The following SPOCK3 variants were observed in gnomAD, a reference collection of about 807,000 sequenced individuals.
The protein encoded by SPOCK3 is SPARC (osteonectin), cwcv and kazal like domains proteoglycan 3, also known as testican-3.
Under a neutral mutation model 56.6 loss-of-function variants are expected in SPOCK3, and 30 were observed. That is an observed-to-expected ratio of 0.53 (90% CI 0.40 to 0.72). SPOCK3 has a LOEUF of 0.72. SPOCK3 is among the 30% of genes least tolerant of loss of function. The probability of loss-of-function intolerance (pLI) is 0.00; values close to 1 mark genes in which losing one functional copy is unlikely to be tolerated. For missense variants in SPOCK3, 527 were observed against 530.0 expected (o/e 0.99, Z 0.06); for synonymous variants, 196 against 183.3 (o/e 1.07, Z -0.56).
intron 2 of SPOCK3, among the ~76,000 whole-genome samples, chr4:167,125,347 A>T (rs1037344701): frequency 6.7e-6 from 1 of 150,176 alleles, no homozygotes; most frequent in Non-Finnish European, 1.5e-5. Context: ...TTGATTAGAG[A>T]TCTTAACAAG....
At chr4:166,948,720 T>C (rs1344673004) in intron 4 of SPOCK3, among the ~76,000 whole-genome samples, 2 of 152,208 alleles carry the variant, frequency 1.3e-5, no homozygotes, top group East Asian at 1.9e-4. Flanking sequence ...CCACTGTTAG[T>C]CTGATGGGCT....
intron 4 of SPOCK3, among the ~76,000 whole-genome samples, chr4:166,961,433 A>G (rs953989317): frequency 6.6e-6 from 1 of 152,212 alleles, no homozygotes; most frequent in East Asian, 1.9e-4. Context: ...GGGGGGTCAT[A>G]AAAATAAAAT....
chr4:166,989,321 CT>C (rs1214437338), intron 4 of SPOCK3, among the ~76,000 whole-genome samples: 1 of 151,942 alleles, frequency 6.6e-6, no homozygotes, highest in Non-Finnish European at 1.5e-5. Flanking sequence ...GATGAATATA[CT>C]TTACTCCTCA....
intron 2 of SPOCK3, among the ~76,000 whole-genome samples, chr4:167,188,986 C>G (rs1249012554): frequency 6.8e-6 from 1 of 146,204 alleles, no homozygotes; most frequent in South Asian, 2.1e-4. Context: ...CCAGGCTTCA[C>G]TGTTGAAGTC....
At chr4:166,798,509 TCAA>T (rs1014141605) in intron 6 of SPOCK3, among the ~76,000 whole-genome samples, 15 of 152,198 alleles carry the variant, frequency 9.9e-5, no homozygotes, top group African/African-American at 3.6e-4. Context: ...ATAGCTATGA[TCAA>T]CAACAAGAAC....
chr4:166,959,876 G>A (rs1255231195), intron 4 of SPOCK3, among the ~76,000 whole-genome samples: 2 of 151,948 alleles, frequency 1.3e-5, no homozygotes, highest in African/African-American at 4.8e-5. Flanking sequence ...TTTAATTAAG[G>A]GAGTAGGCAC....
intron 3 of SPOCK3, among the ~76,000 whole-genome samples, chr4:167,028,893 A>T (rs1165996126): frequency 6.6e-6 from 1 of 152,054 alleles, no homozygotes; most frequent in African/African-American, 2.4e-5. Context: ...TCTCTCAAAC[A>T]ACACTAGGAT....
chr4:166,793,826 G>A (rs1275301707), intron 6 of SPOCK3, among the ~76,000 whole-genome samples: 5 of 152,212 alleles, frequency 3.3e-5, no homozygotes, highest in South Asian at 2.1e-4. Context: ...GAAATCAGGT[G>A]GGAAAGTAAG....
intron 4 of SPOCK3, among the ~76,000 whole-genome samples, chr4:166,979,982 G>A (rs1746393316): frequency 6.6e-6 from 1 of 152,002 alleles, no homozygotes; most frequent in East Asian, 1.9e-4. Context: ...TCTTCCTTAG[G>A]TCCTTTGCAC....
intron 6 of SPOCK3, among the ~76,000 whole-genome samples, chr4:166,794,643 C>CTTTTTT (rs1170214198): frequency 5.5e-5 from 7 of 127,366 alleles, no homozygotes; most frequent in African/African-American, 8.7e-5. Context: ...TTCTTTCTTT[C>CTTTTTT]TTTTTTTTTT....
chr4:166,892,277 CA>C (rs1192236706), intron 5 of SPOCK3, among the ~76,000 whole-genome samples: 1 of 151,808 alleles, frequency 6.6e-6, no homozygotes, highest in Non-Finnish European at 1.5e-5. Context: ...TATAGCTTTG[CA>C]AAAGTTACTT....
chr4:166,777,565 C>T (rs1440697240), intron 7 of SPOCK3, among the ~76,000 whole-genome samples: 1 of 152,076 alleles, frequency 6.6e-6, no homozygotes, highest in African/African-American at 2.4e-5. Flanking sequence ...CACCCCATGT[C>T]TCTATGAAAA....
intron 2 of SPOCK3, among the ~76,000 whole-genome samples, chr4:167,115,962 C>T (rs1761293743): frequency 6.6e-6 from 1 of 151,826 alleles, no homozygotes; most frequent in Admixed American, 6.6e-5. Flanking sequence ...GAAACAATTA[C>T]TAAAAGTAAT....
rs73861943 is a variant in SPOCK3 at position 167,170,137 on chromosome 4, A to G, written c.189+63848T>C. On this transcript the variant is annotated intron_variant, in intron 2 of 10. Transcript: ENST00000357545. The stretch of plus-strand genomic sequence containing the variant: ...GTAGAATAGTATTAACATTGCTGAA[A>G]TTCAATTCAAAAGACTAGTCATTTC... Among the ~76,000 whole-genome samples, 1,097 of 152,286 alleles carry G rather than the reference A, an allele frequency of 7.2e-3. 16 individuals are homozygous for G. The highest frequency in any genetic ancestry group is 0.025 in the African/African-American group (1,054 of 41,570).
At chr4:167,018,324 C>T (rs1367966518) in intron 3 of SPOCK3, among the ~76,000 whole-genome samples, 3 of 152,026 alleles carry the variant, frequency 2.0e-5, no homozygotes, top group Non-Finnish European at 4.4e-5. Flanking sequence ...AAGTGTCCAG[C>T]CTGGTTTAAT....
intron 7 of SPOCK3, among the ~76,000 whole-genome samples, chr4:166,768,996 G>A (rs1449538173): frequency 1.3e-5 from 2 of 152,168 alleles, no homozygotes; most frequent in Non-Finnish European, 2.9e-5. Context: ...TGAAGCTTGT[G>A]CATTCATCAT....
intron 3 of SPOCK3, among the ~76,000 whole-genome samples, chr4:167,054,794 A>T (rs953844775): frequency 2.6e-5 from 4 of 152,234 alleles, no homozygotes; most frequent in Admixed American, 2.6e-4. Context: ...CAAAAGGTAG[A>T]TCAGGTGTAC....
At chr4:166,876,488 G>GA (rs1428060168) in intron 6 of SPOCK3, among the ~76,000 whole-genome samples, 4 of 152,048 alleles carry the variant, frequency 2.6e-5, no homozygotes, top group African/African-American at 7.2e-5. Context: ...AGTAAAAGCA[G>GA]AAAAATATCA....
rs1046548670 is a variant in SPOCK3, at chr4:167,192,009, A to T, written c.189+41976T>A. Among the ~76,000 whole-genome samples, 3 of 145,590 alleles carry T rather than the reference A, an allele frequency of 2.1e-5. 1 individual carries two copies. The Admixed American group carries it at 2.1e-4, about 10-fold the overall frequency. ...CATAAAAGTATATTGAATTTTTCCA[A>T]ATAGTCTTTCTCCATTTATTGAGAT... On this transcript the variant is annotated intron_variant, in intron 2 of 10. Transcript: ENST00000357545.
Sources: allele counts gnomAD v4.1 joint callset (sites outside exome capture counted in the v4.1 genomes callset), GRCh38; gene constraint gnomAD v4.1.1; transcripts MANE v1.5; gene names NCBI Gene and HGNC (gene_info 2026-07-23, HGNC 2026-07-21).